Variants in NBPF9 observed in about 807,000 individuals in gnomAD.
The protein encoded by NBPF9 is NBPF member 9, also known as NBPF family member NBPF9.
A neutral mutation model predicts 97.8 loss-of-function variants in NBPF9; 91 were observed. The observed-to-expected ratio is 0.93, with a 90% CI of 0.79 to 1.11. The LOEUF (loss-of-function observed/expected upper bound fraction) is 1.11, where lower values mean the gene tolerates loss of function less well. NBPF9 is among the 50% of genes least tolerant of loss of function. NBPF9 has a pLI of 0.00. For missense variants in NBPF9, 992 were observed against 939.5 expected, an observed-to-expected ratio of 1.06 and a Z score of -0.73; for synonymous variants, 334 against 359.5, an observed-to-expected ratio of 0.93 and a Z score of 0.80.
At chr1:149,064,780 T>G in intron 18 of NBPF9, 1 of 596,886 alleles carries the variant, frequency 1.7e-6, no homozygotes. Context: ...AGGCAAATAG[T>G]TCTAACACCT....
chr1:149,056,664 C>T (rs1553649077), intron 28 of NBPF9, 44 bp from the exon 29 acceptor site: 3 of 70,910 alleles, frequency 4.2e-5, no homozygotes, highest in African/African-American at 1.1e-3. Flanking sequence ...AGCTGATTCC[C>T]CTACACACAT....
chr1:149,080,108 G>A lies in NBPF9; in HGVS notation c.223C>T (p.Arg75Ter), dbSNP rs782505982. The A allele has an allele frequency of 3.4e-5, 48 of 1,405,568 alleles. No homozygotes were observed. The highest frequency in any genetic ancestry group is 1.4e-4 in the South Asian group (12 of 87,286). The allele number at this position is 1,405,568 out of a possible 1,614,324, so 87.1% of individuals were successfully genotyped here. ...GCAAGCTTCTCCTCCTTGAACTGTC[G>A]CTCATTCCTCAGCATAAATTTTATG... Residue 75 changes from arginine (R) to a stop codon, truncating the protein, a stop_gained, in exon 8 of 30, where the codon CGA (arginine) becomes TGA (stop). Coordinates refer to ENST00000584027, the Ensembl canonical transcript of NBPF9. LOFTEE classifies it high-confidence loss of function.
In NBPF9 at chr1:149,073,758, G is replaced by A. The variant is rs1403109818; in HGVS notation, c.1091+10C>T. ...CTGCCCCCCTGCCTGCCCCCATGGG[G>A]TCCCCTCACCTGAGCTCCTCAGCTT... On this transcript the variant is annotated intron_variant, in intron 13 of 29. Coordinates refer to ENST00000584027, the Ensembl canonical transcript of NBPF9. The A allele has an allele frequency of 1.9e-6, 3 of 1,579,948 alleles. No homozygotes were observed. Among genetic ancestry groups the A allele is most frequent in the African/African-American group, 2.7e-5 (2 of 74,570 alleles).
intron 3 of NBPF9, among the ~76,000 whole-genome samples, chr1:149,100,863 G>A (rs1272044454): frequency 1.3e-5 from 2 of 151,666 alleles, no homozygotes; most frequent in African/African-American, 2.4e-5. Context: ...TGAGCCAGGA[G>A]GTGGAGGTTG....
intron 4 of NBPF9, among the ~76,000 whole-genome samples, chr1:149,097,182 G>A (rs1185247969): frequency 2.0e-5 from 3 of 151,612 alleles, no homozygotes; most frequent in Non-Finnish European, 4.4e-5. Flanking sequence ...GGAAGGGAGA[G>A]AAGTAGGGAA....
intron 4 of NBPF9, among the ~76,000 whole-genome samples, chr1:149,094,243 T>A (rs1327574874): frequency 7.1e-6 from 1 of 139,956 alleles, no homozygotes; most frequent in Non-Finnish European, 1.5e-5. Context: ...TTCCTTTTCT[T>A]GTGCTCACCA....
At chr1:149,074,127 G>A (rs587725729) in intron 12 of NBPF9, among the ~76,000 whole-genome samples, 1 of 151,462 alleles carries the variant, frequency 6.6e-6, no homozygotes, top group East Asian at 1.9e-4. Flanking sequence ...CAACGAAGTG[G>A]AGTCAGAATT....
rs1575872471 is a variant in NBPF9, at chr1:149,090,746, T to C, written c.-195+7A>G. 2 of 559,648 alleles carry C rather than the reference T, an allele frequency of 3.6e-6. No homozygotes were observed. The highest frequency in any genetic ancestry group is 3.2e-6 in the Non-Finnish European group (1 of 316,900). The allele number at this position is 559,648 out of a possible 1,614,324, so 34.7% of individuals were successfully genotyped here. On this transcript the variant is annotated splice_region_variant and intron_variant, in intron 5 of 29. Coordinates refer to ENST00000584027, the Ensembl canonical transcript of NBPF9. ...TTTCAGAAAGCTCTCTGTGTTTGAG[T>C]ACGCACCTTGATCCATAGGCTCACA...
rs1161847461 is a variant in NBPF9 at position 149,059,731 on chromosome 1, C to T, written c.2554G>A (p.Gly852Arg). The T allele has an allele frequency of 1.6e-3, 922 of 584,314 alleles. 292 individuals carry two copies. The African/African-American group carries it at 0.02, about 13-fold the overall frequency. 36.2% of individuals were successfully genotyped at this position (584,314 alleles called of 1,614,324 possible). A position where few individuals can be genotyped will look rare whatever the true frequency, so the allele number is the denominator to read the frequency against. The change falls in exon 25 of 30, where the codon GGG becomes AGG. Residue 852 changes from glycine to arginine, a missense_variant. By Grantham distance (125) the Gly-to-Arg change is moderately radical. This residue lies in a region of NBPF9 where 397 missense variants were observed against 213.6 expected (regional missense o/e 1.86). Transcript: ENST00000584027. ...CATGGTGGGTTTTGATTTTCTTCCC[C>T]TTCTTTTCTTCCCCTTCTTCTTTTC... is the stretch of plus-strand genomic sequence containing the variant.
rs1422133026 is a variant in NBPF9 at position 149,055,957 on chromosome 1, C to A, written c.3093-58G>T. ...AGGGAAAATCAGACACCACAGAGCC[C>A]CACTAGATTTCAGAAGTAACATAAG... On this transcript the variant is annotated intron_variant, in intron 29 of 29. Coordinates refer to ENST00000584027, the Ensembl canonical transcript of NBPF9. 5 of 1,611,514 alleles carry A rather than the reference C, an allele frequency of 3.1e-6. No individual in the cohort carries two copies. The South Asian group carries it at 3.3e-5, about 11-fold the overall frequency.
chr1:149,086,999 T>A (rs1417380924), intron 5 of NBPF9, among the ~76,000 whole-genome samples: 1 of 152,054 alleles, frequency 6.6e-6, no homozygotes, highest in South Asian at 2.1e-4. Context: ...CCTACAAGTA[T>A]AAGACTTCCA....
chr1:149,055,894 T>G, exon 30 of NBPF9: 1 of 1,594,082 alleles, frequency 6.3e-7, no homozygotes, highest in East Asian at 2.2e-5. Flanking sequence ...CAGCACGCCG[T>G]TGAGCCTGGA....
intron 9 of NBPF9, among the ~76,000 whole-genome samples, chr1:149,078,575 G>A (rs1340682283): frequency 1.6e-5 from 2 of 126,756 alleles, no homozygotes; most frequent in African/African-American, 3.0e-5. Context: ...CCTTGCAAGA[G>A]ACAATTTGTC....
At chr1:149,057,128 G>C (rs1480100902) in intron 28 of NBPF9, among the ~76,000 whole-genome samples, 9 of 714 alleles carry the variant, frequency 0.013, 2 homozygotes, top group Non-Finnish European at 0.026. Flanking sequence ...GGTATGGCCT[G>C]AGACTAGGAA....
rs2078499662 is a variant in NBPF9 at position 149,060,060 on chromosome 1, A to C, written c.2477-252T>G. 9.0e-6 allele frequency: 3 copies of C among 332,100 alleles called. 1 individual carries two copies. The highest frequency in any genetic ancestry group is 3.6e-5 in the South Asian group (1 of 27,622). 20.6% of individuals were successfully genotyped at this position (332,100 alleles called of 1,614,324 possible). On this transcript the variant is annotated intron_variant, in intron 24 of 29. Transcript: ENST00000584027. ...AATATCATTGGTCCCAAATTTGTGC[A>C]AACAGTTATGCCATATTTTTCCAAT... is the stretch of plus-strand genomic sequence containing the variant.
At chr1:149,074,913 A>T in intron 12 of NBPF9, among the ~76,000 whole-genome samples, 1 of 151,246 alleles carries the variant, frequency 6.6e-6, no homozygotes, top group Admixed American at 6.6e-5. Flanking sequence ...CTGGGTTCAA[A>T]GGATTCTCCT....
chr1:149,077,580 C>T (rs2080001714), intron 10 of NBPF9, among the ~76,000 whole-genome samples, 161 bp from the exon 11 acceptor site: 1 of 152,206 alleles, frequency 6.6e-6, no homozygotes, highest in Admixed American at 6.5e-5. Flanking sequence ...CTTCTCTCTG[C>T]AACAGACCAT....
In NBPF9 at chr1:149,081,902, T is replaced by C; in HGVS notation, c.175+63A>G. On this transcript the variant is annotated intron_variant, in intron 7 of 29. Transcript: ENST00000584027. ...TATTTTTGATGGAGAGAGCATTTAGTGTCTCAGAGAGAAGACAGGACATCA... is the reference window on the plus strand; with the variant it reads ...TATTTTTGATGGAGAGAGCATTTAGCGTCTCAGAGAGAAGACAGGACATCA... 3.6e-6 allele frequency: 4 copies of C among 1,100,360 alleles called. No homozygotes were observed. In the South Asian group the frequency reaches 5.1e-5, roughly 14 times the overall value. The allele number at this position is 1,100,360 out of a possible 1,614,324, so 68.2% of individuals were successfully genotyped here.
intron 5 of NBPF9, among the ~76,000 whole-genome samples, chr1:149,089,957 G>C (rs1176222772): frequency 6.6e-6 from 1 of 152,246 alleles, no homozygotes; most frequent in East Asian, 1.9e-4. Flanking sequence ...ATCAGCCACT[G>C]TCGGCTGCTC....
Sources: gnomAD v4.1 joint callset for allele counts (sites outside exome capture counted in the v4.1 genomes callset) on GRCh38, gnomAD v4.1.1 for gene constraint, gnomAD v4.1.1 regional missense constraint, MANE v1.5 for transcripts, NCBI Gene and HGNC (gene_info 2026-07-23, HGNC 2026-07-21) for gene names.